Variants in VPS35L observed in about 807,000 individuals in gnomAD.
The protein encoded by VPS35L is VPS35 endosomal protein sorting factor like, also known as VPS35 endosomal protein-sorting factor-like.
In VPS35L, 83 loss-of-function variants were observed where a neutral mutation model predicts 133.0. The ratio of observed to expected loss-of-function variants is 0.62; its 90% CI spans 0.52 to 0.75. The LOEUF (loss-of-function observed/expected upper bound fraction) is 0.75, where lower values mean the gene tolerates loss of function less well. Among genes scored for constraint, VPS35L ranks in the 30% least tolerant of loss-of-function variants. The pLI, the probability that VPS35L is intolerant of heterozygous loss-of-function variation, is 0.00. For synonymous variants in VPS35L, 423 were observed against 449.9 expected, an observed-to-expected ratio of 0.94 and a Z score of 0.76; for missense variants, 1,083 against 1,206.8, an observed-to-expected ratio of 0.90 and a Z score of 1.52.
chr16:19,564,826 T>C (rs1971136427), intron 1 of VPS35L, 25 bp from the exon 2 acceptor site: 1 of 1,554,756 alleles, frequency 6.4e-7, no homozygotes, highest in African/African-American at 1.4e-5. Context: ...CATCCACTAA[T>C]TGGCTGTGTT....
At chr16:19,623,347 G>A (rs546782229) in intron 14 of VPS35L, among the ~76,000 whole-genome samples, 11 of 152,270 alleles carry the variant, frequency 7.2e-5, no homozygotes, top group South Asian at 2.1e-4. Context: ...CCTTCTTGCC[G>A]TGTTCTCACA....
chr16:19,647,993 A>G, intron 24 of VPS35L, 111 bp downstream of exon 24: 1 of 1,009,724 alleles, frequency 9.9e-7, no homozygotes, highest in East Asian at 2.5e-5. Flanking sequence ...TCACTCTGTC[A>G]CCCAGGCTAG....
chr16:19,642,051 A>T (rs1363530775), intron 21 of VPS35L, among the ~76,000 whole-genome samples: 1 of 152,092 alleles, frequency 6.6e-6, no homozygotes, highest in Non-Finnish European at 1.5e-5. Flanking sequence ...GTCTACCAAA[A>T]ATACAAAAAT....
intron 9 of VPS35L, 40 bp downstream of exon 9, chr16:19,601,763 G>C: frequency 6.3e-7 from 1 of 1,598,990 alleles, no homozygotes; most frequent in South Asian, 1.1e-5. Context: ...TTCTGCCCTG[G>C]AGTCAGGACT....
At chr16:19,655,694 AT>A (rs1974275594) in intron 26 of VPS35L, among the ~76,000 whole-genome samples, 1 of 152,136 alleles carries the variant, frequency 6.6e-6, no homozygotes, top group Non-Finnish European at 1.5e-5. Context: ...TTGTGCAGGG[AT>A]TTGGCACGCA....
chr16:19,568,387 C>T (rs1411232704), intron 2 of VPS35L, among the ~76,000 whole-genome samples: 23 of 151,140 alleles, frequency 1.5e-4, no homozygotes, highest in African/African-American at 5.6e-4. Flanking sequence ...GCAACCTCTG[C>T]CTCCCAAAAC....
At position 19,650,394 on chromosome 16, in the gene VPS35L, T is replaced by C. The variant is rs1974086466; in HGVS notation, c.2041T>C (p.Leu681=). The C allele has an allele frequency of 1.9e-6, 3 of 1,612,280 alleles. No individual in the cohort carries two copies. In the South Asian group the frequency reaches 3.3e-5, roughly 18 times the overall value. ...LVQLIHSVNR[L]AMETRKVMKG... ...TTAATAAATTCAGAGTGTGAACCGG[T>C]TGGCAATGGAGACAAGAAAAGTAAT... The change falls in exon 25 of 31, where the codon TTG becomes CTG. Residue 681 remains leucine, a synonymous_variant. Transcript: ENST00000417362.
chr16:19,679,991 C>G (rs971026922), intron 27 of VPS35L, among the ~76,000 whole-genome samples: 4 of 152,212 alleles, frequency 2.6e-5, no homozygotes, highest in East Asian at 1.9e-4. Context: ...TATGCCTCCC[C>G]CTGTTCACAA....
intron 12 of VPS35L, among the ~76,000 whole-genome samples, chr16:19,614,080 C>G (rs1417134579): frequency 6.6e-6 from 1 of 152,148 alleles, no homozygotes; most frequent in Non-Finnish European, 1.5e-5. Context: ...TGATTAACTC[C>G]TAACTCACAG....
intron 1 of VPS35L, among the ~76,000 whole-genome samples, chr16:19,556,150 C>T (rs1970848298): frequency 6.6e-6 from 1 of 152,216 alleles, no homozygotes; most frequent in Admixed American, 6.5e-5. Context: ...CTCAGCTCCT[C>T]TGTTCACCTG....
chr16:19,562,928 T>A (rs1199648287), intron 1 of VPS35L, among the ~76,000 whole-genome samples: 1 of 151,762 alleles, frequency 6.6e-6, no homozygotes, highest in African/African-American at 2.4e-5. Flanking sequence ...CAAATTTATT[T>A]ATTTATTTAT....
intron 5 of VPS35L, chr16:19,578,338 C>T: frequency 2.3e-6 from 1 of 442,886 alleles, no homozygotes. Context: ...CGCGCCACCG[C>T]ACTCCAGCGT....
chr16:19,665,480 A>G (rs945448559), intron 26 of VPS35L, among the ~76,000 whole-genome samples: 1 of 152,198 alleles, frequency 6.6e-6, no homozygotes, highest in Non-Finnish European at 1.5e-5. Flanking sequence ...AATGCCCTCC[A>G]GTTTCACCCA....
chr16:19,694,667 C>G (rs962187220), intron 29 of VPS35L, among the ~76,000 whole-genome samples: 5 of 151,810 alleles, frequency 3.3e-5, no homozygotes, highest in Non-Finnish European at 5.9e-5. Flanking sequence ...GTTCTTATTT[C>G]TTACACAGCC....
chr16:19,556,445 A>G (rs922053934), intron 1 of VPS35L, among the ~76,000 whole-genome samples: 1 of 152,176 alleles, frequency 6.6e-6, no homozygotes, highest in Non-Finnish European at 1.5e-5. Flanking sequence ...GCAGGCCCGT[A>G]GGTCCCTTGT....
rs1975523978 is a variant in VPS35L, at chr16:19,688,019, T to C, written c.2528-3334T>C. Among the ~76,000 whole-genome samples, 3 of 152,160 alleles carry C rather than the reference T, an allele frequency of 2.0e-5. No individual in the cohort carries two copies. In the South Asian group the frequency reaches 6.2e-4, roughly 31 times the overall value. Reference sequence around the variant, plus strand: ...TCTGCTTGCTGCAACATCTGCCTCCTGGGCTCAAGTCATCCTCCCACCTCA... The same window carrying C: ...TCTGCTTGCTGCAACATCTGCCTCCCGGGCTCAAGTCATCCTCCCACCTCA... On this transcript the variant is annotated intron_variant, in intron 28 of 30. Coordinates refer to ENST00000417362, the MANE Select transcript of VPS35L (RefSeq NM_020314.7).
chr16:19,653,427 G>A (rs1034583168), intron 26 of VPS35L, among the ~76,000 whole-genome samples: 1 of 152,232 alleles, frequency 6.6e-6, no homozygotes, highest in Non-Finnish European at 1.5e-5. Context: ...AGCCACATGG[G>A]GCCGGTGCTG....
At chr16:19,563,357 A>G (rs562979839) in intron 1 of VPS35L, among the ~76,000 whole-genome samples, 5 of 151,866 alleles carry the variant, frequency 3.3e-5, no homozygotes, top group African/African-American at 1.2e-4. Flanking sequence ...TTTGGTTTCT[A>G]TAAATTTTAC....
intron 28 of VPS35L, among the ~76,000 whole-genome samples, chr16:19,684,491 G>C (rs1975389669): frequency 6.6e-6 from 1 of 152,174 alleles, no homozygotes; most frequent in Admixed American, 6.5e-5. Context: ...ATGTAATGCA[G>C]GGAGGCTGGT....
Sources: allele counts gnomAD v4.1 joint callset (sites outside exome capture counted in the v4.1 genomes callset), GRCh38; gene constraint gnomAD v4.1.1; transcripts MANE v1.5; gene names NCBI Gene and HGNC (gene_info 2026-07-23, HGNC 2026-07-21).